Variants in DLG4 observed in about 807,000 individuals in gnomAD.
The protein encoded by DLG4 is discs large MAGUK scaffold protein 4.
DLG4 carries 7 observed loss-of-function variants against 93.8 expected under a neutral mutation model. The observed-to-expected ratio is 0.07, with a 90% CI of 0.04 to 0.14. DLG4 has a LOEUF of 0.14. Ranked by LOEUF, DLG4 falls within the 10% of genes least tolerant of loss-of-function variation. DLG4 has a pLI of 1.00. For synonymous variants in DLG4, 341 were observed against 387.6 expected, an observed-to-expected ratio of 0.88 and a Z score of 1.41; for missense variants, 545 against 992.9, an observed-to-expected ratio of 0.55 and a Z score of 6.06.
chr17:7,205,607 T>C (rs1449683496), intron 2 of DLG4, among the ~76,000 whole-genome samples: 1 of 152,070 alleles, frequency 6.6e-6, no homozygotes, highest in Admixed American at 6.5e-5. Context: ...CATAAATCTA[T>C]TAACACCACC....
Position 7,202,687 on chromosome 17 carries a change from T to C in DLG4, c.787+216A>G, listed in dbSNP as rs191791878. 407 of 608,444 alleles carry C rather than the reference T, an allele frequency of 6.7e-4. 4 individuals carry two copies. In the African/African-American group the frequency reaches 6.8e-3, roughly 10 times the overall value. 37.7% of individuals were successfully genotyped at this position (608,444 alleles called of 1,614,324 possible). The stretch of plus-strand genomic sequence containing the variant: ...AATTAGCCATAAAACCAACCAGGCT[T>C]TGTGCCTTCCAGGAGAGAGATCGTT... On this transcript the variant is annotated intron_variant, in intron 8 of 19. Transcript: ENST00000399506.
chr17:7,213,095 CTTTTT>C (rs746009346), intron 1 of DLG4, among the ~76,000 whole-genome samples: 2,063 of 80,844 alleles, frequency 0.026, 33 homozygotes, highest in Non-Finnish European at 0.038. Context: ...TTCTTTCTTT[CTTTTT>C]TTTTTTTTTT....
intron 1 of DLG4, among the ~76,000 whole-genome samples, chr17:7,211,916 C>T (rs925448652): frequency 1.3e-5 from 2 of 150,644 alleles, no homozygotes; most frequent in East Asian, 4.0e-4. Flanking sequence ...CACCAACTTC[C>T]CTGGTTCACG....
At position 7,217,548 on chromosome 17, in the gene DLG4, CG is replaced by C. The variant is rs1187747718; in HGVS notation, c.-402del. 1 of 183,452 alleles carries C rather than the reference CG, an allele frequency of 5.5e-6. No individual in the cohort carries two copies. The highest frequency in any genetic ancestry group is 6.2e-6 in the Non-Finnish European group (1 of 161,266). The allele number at this position is 183,452 out of a possible 1,614,324, so 11.4% of individuals were successfully genotyped here. A position where few individuals can be genotyped will look rare whatever the true frequency, so the allele number is the denominator to read the frequency against. On this transcript the variant is annotated 5_prime_UTR_variant, in exon 1 of 20. Coordinates refer to ENST00000399506, the MANE Select transcript of DLG4 (RefSeq NM_001321075.3). ...AACGGCCAGGGGCTAGGGGCCGTGGCGGGGGAGTGGGGTGGGGGGGTTGGAA... is the reference window on the plus strand; with the variant it reads ...AACGGCCAGGGGCTAGGGGCCGTGGCGGGGAGTGGGGTGGGGGGGTTGGAA...
At chr17:7,217,728 T>A (rs1314310675), upstream of DLG4, 5 of 1,532,304 alleles carry the variant, frequency 3.3e-6, no homozygotes, top group Non-Finnish European at 3.5e-6. Flanking sequence ...ACCCGGATAA[T>A]GGGAAAGGAG....
chr17:7,205,316 G>A (rs1346466699), intron 2 of DLG4: 3 of 443,542 alleles, frequency 6.8e-6, no homozygotes, highest in Non-Finnish European at 9.0e-6. Flanking sequence ...AGACTCCCAG[G>A]CGGGGCCCGC....
intron 1 of DLG4, among the ~76,000 whole-genome samples, chr17:7,209,631 A>C (rs1325412530): frequency 6.6e-6 from 1 of 152,094 alleles, no homozygotes; most frequent in Non-Finnish European, 1.5e-5. Flanking sequence ...TTAGCCAGGC[A>C]TGGTGGTGCA....
intron 1 of DLG4, among the ~76,000 whole-genome samples, chr17:7,213,091 C>CTTTTTTTTTTTTTTTTT (rs1567551398): frequency 1.0e-5 from 1 of 99,538 alleles, no homozygotes; most frequent in Non-Finnish European, 1.9e-5. Flanking sequence ...TTCTTTCTTT[C>CTTTTTTTTTTTTTTTTT]TTTCTTTTTT....
rs965924968 is a variant in DLG4 at position 7,191,578 on chromosome 17, C to T, written c.1977-220G>A. On this transcript the variant is annotated intron_variant, in intron 18 of 19. Transcript: ENST00000399506. The surrounding 1 kb of genome is among the most constrained non-coding windows in gnomAD (Gnocchi z 6.6). ...GGTGTGGCTACTCCAGGGACATCTACGGAGCTTCATCCTTCCAGCCTTCAG... is the reference window on the plus strand; with the variant it reads ...GGTGTGGCTACTCCAGGGACATCTATGGAGCTTCATCCTTCCAGCCTTCAG... 1 of 598,482 alleles carries T rather than the reference C, an allele frequency of 1.7e-6. No individual in the cohort carries two copies. The highest frequency in any genetic ancestry group is 1.9e-5 in the African/African-American group (1 of 53,732). The allele number at this position is 598,482 out of a possible 1,614,324, so 37.1% of individuals were successfully genotyped here.
At chr17:7,214,833 A>T (rs1256870655) in intron 1 of DLG4, among the ~76,000 whole-genome samples, 2 of 152,318 alleles carry the variant, frequency 1.3e-5, no homozygotes, top group South Asian at 4.1e-4. Context: ...AGAAAGACAA[A>T]GTGATCGCTG....
In DLG4 at chr17:7,203,428, A is replaced by G. The variant is rs765107107; in HGVS notation, c.501T>C (p.Pro167=). ...KVMEIKLIKG[P]KGLGFSIAGG... ...GGGAACAAAATGAGTTACTACCTTT[A>G]GGCCCCTTGATGAGCTTGATCTCCA... Residue 167 remains proline (P), a synonymous_variant, in exon 6 of 20, where the codon CCT becomes CCC. Transcript: ENST00000399506. The surrounding 1 kb of genome is among the most constrained non-coding windows in gnomAD (Gnocchi z 7.2). 9 of 1,605,972 alleles carry G rather than the reference A, an allele frequency of 5.6e-6. No individual in the cohort carries two copies. Among genetic ancestry groups the G allele is most frequent in the Non-Finnish European group, 7.7e-6 (9 of 1,173,458 alleles).
intron 2 of DLG4, chr17:7,205,271 G>T: frequency 1.4e-6 from 1 of 735,358 alleles, no homozygotes; most frequent in Non-Finnish European, 1.7e-6. Flanking sequence ...AAAGTGGGGC[G>T]TGCCCAGGTC....
intron 2 of DLG4, among the ~76,000 whole-genome samples, chr17:7,206,571 ACAAAGCATCTCT>A (rs1206990521): frequency 1.3e-5 from 2 of 151,934 alleles, no homozygotes; most frequent in Admixed American, 1.3e-4. Flanking sequence ...CCTGCCTTGC[ACAAAGCATCTCT>A]AGTCTTCTTT....
At chr17:7,219,796 T>G, upstream of DLG4, 1 of 1,522,018 alleles carries the variant, frequency 6.6e-7, no homozygotes, top group Non-Finnish European at 8.8e-7. Flanking sequence ...TGGAGATCCC[T>G]CTAAGTCAGC....
At chr17:7,202,118 C>T (rs1440671494) in intron 8 of DLG4, among the ~76,000 whole-genome samples, 1 of 152,174 alleles carries the variant, frequency 6.6e-6, no homozygotes, top group African/African-American at 2.4e-5. Context: ...CTCTGTCACC[C>T]AGTCTGGTGG....
rs2069625933 is a variant in DLG4 at position 7,193,810 on chromosome 17, C to T, written c.1543+34G>A. On this transcript the variant is annotated intron_variant, in intron 14 of 19. Transcript: ENST00000399506. This position sits in a 1 kb window ranked among gnomAD's most constrained non-coding sequence, Gnocchi z 6.7. ...ATATCAAAAGCAACTCAGTGCTCCTCTCACCCACATCTTCCCGAACTAACC... is the reference window on the plus strand; with the variant it reads ...ATATCAAAAGCAACTCAGTGCTCCTTTCACCCACATCTTCCCGAACTAACC... 6.2e-7 allele frequency: 1 copy of T among 1,612,520 alleles called. No homozygotes were observed. The highest frequency in any genetic ancestry group is 1.3e-5 in the African/African-American group (1 of 74,842).
At chr17:7,200,124 G>T (rs1016312295) in intron 8 of DLG4, among the ~76,000 whole-genome samples, 1 of 151,978 alleles carries the variant, frequency 6.6e-6, no homozygotes, top group East Asian at 1.9e-4. Context: ...TTCATATTTT[G>T]TAGGGGCTGC....
chr17:7,217,957 G>A (rs1439575750), upstream of DLG4: 2 of 832,084 alleles, frequency 2.4e-6, no homozygotes, highest in African/African-American at 3.4e-5. Context: ...GGCAATCCCT[G>A]GGGGCCTAGT....
At position 7,196,979 on chromosome 17, in the gene DLG4, G is replaced by A; in HGVS notation, c.861C>T (p.Thr287=). ...YLGTDYPTAM[T]PTSPRRYSPV... ...GAGAGTAGCGCCGAGGGGAAGTGGGGGTCATGGCTGTGGGGTAGTCGGTGC... is the reference window on the plus strand; with the variant it reads ...GAGAGTAGCGCCGAGGGGAAGTGGGAGTCATGGCTGTGGGGTAGTCGGTGC... The change falls in exon 9 of 20, where the codon ACC becomes ACT. Residue 287 remains threonine (T), a synonymous_variant. Coordinates refer to ENST00000399506, the MANE Select transcript of DLG4 (RefSeq NM_001321075.3). The surrounding 1 kb of genome is among the most constrained non-coding windows in gnomAD (Gnocchi z 8.3). 1 of 1,613,824 alleles carries A rather than the reference G, an allele frequency of 6.2e-7. No homozygotes were observed. Among genetic ancestry groups the A allele is most frequent in the Non-Finnish European group, 8.5e-7 (1 of 1,179,842 alleles).
Sources: allele counts gnomAD v4.1 joint callset (sites outside exome capture counted in the v4.1 genomes callset), GRCh38; gene constraint gnomAD v4.1.1; non-coding constraint Gnocchi (gnomAD v3.1); transcripts MANE v1.5; gene names NCBI Gene and HGNC (gene_info 2026-07-23, HGNC 2026-07-21).